Variants in SQSTM1 observed in about 807,000 individuals in gnomAD.
SQSTM1 encodes the protein sequestosome 1.
In SQSTM1, 36 loss-of-function variants were observed where a neutral mutation model predicts 45.1. The ratio of observed to expected loss-of-function variants is 0.80; its 90% CI spans 0.61 to 1.05. SQSTM1 has a LOEUF of 1.05. Among genes scored for constraint, SQSTM1 ranks in the 50% least tolerant of loss-of-function variants. SQSTM1 has a pLI of 0.00. For missense variants in SQSTM1, 617 were observed against 607.1 expected (o/e 1.02, Z -0.17); for synonymous variants, 290 against 244.3 (o/e 1.19, Z -1.74).
At chr5:179,829,167 A>C (rs1453592548) in intron 5 of SQSTM1, among the ~76,000 whole-genome samples, 1 of 152,254 alleles carries the variant, frequency 6.6e-6, no homozygotes, top group Non-Finnish European at 1.5e-5. Flanking sequence ...GGGAAGCTTC[A>C]GCATGGGATA....
Position 179,823,868 on chromosome 5 carries a change from G to C in SQSTM1, c.312G>C (p.Glu104Asp), listed in dbSNP as rs762547578. Reference protein sequence around the residue: ...IFRIYIKEKKECRRDHRPPCA... With the variant: ...IFRIYIKEKKDCRRDHRPPCA... Reference sequence around the variant, plus strand: ...TTACCCTTCCTGTAGAGAAAAAAGAGTGCCGGCGGGACCACCGCCCACCGT... The same window carrying C: ...TTACCCTTCCTGTAGAGAAAAAAGACTGCCGGCGGGACCACCGCCCACCGT... Residue 104 changes from glutamate to aspartate, a missense_variant, in exon 3 of 8, where the codon GAG becomes GAC. Coordinates refer to ENST00000389805, the MANE Select transcript of SQSTM1 (RefSeq NM_003900.5). The C allele has an allele frequency of 6.2e-7, 1 of 1,612,124 alleles. No individual in the cohort carries two copies. Among genetic ancestry groups the C allele is most frequent in the Admixed American group, 1.7e-5 (1 of 60,020 alleles).
chr5:179,825,195 G>C lies in SQSTM1; in HGVS notation c.723G>C (p.Gly241=), dbSNP rs889431769. Residue 241 remains glycine (G), a synonymous_variant, in exon 5 of 8, where the codon GGG becomes GGC. Coordinates refer to ENST00000389805, the MANE Select transcript of SQSTM1 (RefSeq NM_003900.5). Reference sequence around the variant, plus strand: ...GTGTGAATTTCCTGAAGAACGTTGGGGAGAGTGTGGCAGCTGCCCTTAGCC... The same window carrying C: ...GTGTGAATTTCCTGAAGAACGTTGGCGAGAGTGTGGCAGCTGCCCTTAGCC... ...DPSVNFLKNV[G]ESVAAALSPL... 1.9e-6 allele frequency: 3 copies of C among 1,613,972 alleles called. No individual in the cohort carries two copies. The highest frequency in any genetic ancestry group is 3.3e-5 in the Admixed American group (2 of 60,006).
Position 179,821,422 on chromosome 5 carries a change from A to G in SQSTM1, c.205+281A>G, listed in dbSNP as rs1340066079. On this transcript the variant is annotated intron_variant, in intron 1 of 7. Transcript: ENST00000389805. Reference sequence around the variant, plus strand: ...GGGGGCTCGAGCCTGGGGGCGTCAGACGCCCCGCTCCACCCCCCGCGCTGT... The same window carrying G: ...GGGGGCTCGAGCCTGGGGGCGTCAGGCGCCCCGCTCCACCCCCCGCGCTGT... 5 of 613,056 alleles carry G rather than the reference A, an allele frequency of 8.2e-6. No homozygotes were observed. The Admixed American group carries it at 1.1e-4, about 14-fold the overall frequency. The allele number at this position is 613,056 out of a possible 1,614,324, so 38.0% of individuals were successfully genotyped here.
intron 5 of SQSTM1, among the ~76,000 whole-genome samples, chr5:179,828,271 G>A (rs984273462): frequency 1.8e-4 from 28 of 151,748 alleles, no homozygotes; most frequent in African/African-American, 6.5e-4. Context: ...GCTTACAGGC[G>A]AGTCTCATTA....
chr5:179,810,711 A>T (rs1342147414), intron 1 of SQSTM1, among the ~76,000 whole-genome samples: 1 of 152,192 alleles, frequency 6.6e-6, no homozygotes, highest in African/African-American at 2.4e-5. Context: ...ACAATGGTTG[A>T]ACTAGTTTAC....
In SQSTM1 at chr5:179,836,889, G is replaced by A. The variant is rs1296708802; in HGVS notation, c.*296G>A. On this transcript the variant is annotated 3_prime_UTR_variant, in exon 8 of 8. Coordinates refer to ENST00000389805, the MANE Select transcript of SQSTM1 (RefSeq NM_003900.5). ...CCTCCCTGCAGGGGCTACGTTAGCAGCCCAGCACATAGCTTGCCTAATGGC... is the reference window on the plus strand; with the variant it reads ...CCTCCCTGCAGGGGCTACGTTAGCAACCCAGCACATAGCTTGCCTAATGGC... 6 of 610,608 alleles carry A rather than the reference G, an allele frequency of 9.8e-6. No individual in the cohort carries two copies. Among genetic ancestry groups the A allele is most frequent in the Non-Finnish European group, 1.2e-5 (4 of 345,784 alleles). The allele number at this position is 610,608 out of a possible 1,614,324, so 37.8% of individuals were successfully genotyped here.
chr5:179,823,443 GACAAAAAAAAAAAAAA>G, intron 2 of SQSTM1: 2 of 53,902 alleles, frequency 3.7e-5, no homozygotes, highest in South Asian at 7.7e-4. Context: ...CAGCCTAGGC[GACAAAAAAAAAAAAAA>G]AAAAAAAAAA....
At chr5:179,820,782 G>C, upstream of SQSTM1, 1 of 652,942 alleles carries the variant, frequency 1.5e-6, no homozygotes, top group Non-Finnish European at 2.4e-6. Flanking sequence ...GGCCTCTGCA[G>C]GGCGGCTCTC....
chr5:179,810,999 T>G (rs1757377217), intron 1 of SQSTM1, among the ~76,000 whole-genome samples: 3 of 151,884 alleles, frequency 2.0e-5, no homozygotes, highest in Admixed American at 2.0e-4. Flanking sequence ...GGGTCCCGCT[T>G]TGGGAGGCCG....
chr5:179,835,552 G>A (rs545719226), intron 7 of SQSTM1: 484 of 158,190 alleles, frequency 3.1e-3, no homozygotes, highest in Non-Finnish European at 3.8e-3. Context: ...CAGTCGTGGC[G>A]GCGCGCACCT....
upstream of SQSTM1, among the ~76,000 whole-genome samples, chr5:179,815,901 C>T (rs976439281): frequency 2.0e-5 from 3 of 151,928 alleles, no homozygotes; most frequent in Admixed American, 6.5e-5. Flanking sequence ...CCACACACCC[C>T]ACAAAACTAC....
rs376933990 is a variant in SQSTM1, at chr5:179,837,868, T to C, written c.*1275T>C. The C allele has an allele frequency of 6.8e-6, 11 of 1,606,824 alleles. No homozygotes were observed. Among genetic ancestry groups the C allele is most frequent in the South Asian group, 1.1e-5 (1 of 91,080 alleles). ...GGCTGCTGCCTTGTTTCACCTTCCA[T>C]GTCAGGCCAGCCTGTCCCTGAAAGA... On this transcript the variant is annotated 3_prime_UTR_variant, in exon 8 of 8. Coordinates refer to ENST00000389805, the MANE Select transcript of SQSTM1 (RefSeq NM_003900.5).
chr5:179,831,181 A>G (rs1758196194), intron 5 of SQSTM1, among the ~76,000 whole-genome samples: 2 of 152,214 alleles, frequency 1.3e-5, no homozygotes, highest in South Asian at 4.1e-4. Context: ...GTGAACGTAA[A>G]GGGGGTCACA....
intron 5 of SQSTM1, among the ~76,000 whole-genome samples, chr5:179,829,548 G>A (rs1181370402): frequency 1.3e-5 from 2 of 152,030 alleles, no homozygotes; most frequent in African/African-American, 4.8e-5. Context: ...AAAAGGAACA[G>A]GATACTAGAA....
intron 5 of SQSTM1, among the ~76,000 whole-genome samples, chr5:179,829,828 G>A (rs988529044): frequency 3.3e-5 from 5 of 152,108 alleles, no homozygotes; most frequent in Admixed American, 6.5e-5. Context: ...AGGCATGGTG[G>A]CTCATGCCTG....
At chr5:179,834,372 C>T (rs915614393) in intron 7 of SQSTM1, among the ~76,000 whole-genome samples, 8 of 152,118 alleles carry the variant, frequency 5.3e-5, no homozygotes, top group South Asian at 2.1e-4. Context: ...CAGGGGATGG[C>T]GAGCTATGGC....
chr5:179,822,529 C>T (rs1268172269), intron 1 of SQSTM1: 7 of 297,298 alleles, frequency 2.4e-5, no homozygotes, highest in Non-Finnish European at 4.0e-5. Flanking sequence ...CTCCTTTACT[C>T]CCAAGCCACT....
chr5:179,826,285 C>T lies in SQSTM1; in HGVS notation c.754+1059C>T, dbSNP rs191352133. On this transcript the variant is annotated intron_variant, in intron 5 of 7. Coordinates refer to ENST00000389805, the MANE Select transcript of SQSTM1 (RefSeq NM_003900.5). ...GTTCAAGTGATTCTCCTGCTTCAGC[C>T]TCCTGGGTAAGTGGGATTACAGGTA... is the stretch of plus-strand genomic sequence containing the variant. Among the ~76,000 whole-genome samples, 38 of 152,154 alleles carry T rather than the reference C, an allele frequency of 2.5e-4. No homozygotes were observed. The East Asian group carries it at 7.0e-3, about 28-fold the overall frequency.
At chr5:179,830,048 G>C (rs368343773) in intron 5 of SQSTM1, among the ~76,000 whole-genome samples, 1 of 152,316 alleles carries the variant, frequency 6.6e-6, no homozygotes, top group African/African-American at 2.4e-5. Context: ...GGCAGAGGGT[G>C]CAACGAGCCT....
Sources: gnomAD v4.1 joint callset for allele counts (sites outside exome capture counted in the v4.1 genomes callset) on GRCh38, gnomAD v4.1.1 for gene constraint, MANE v1.5 for transcripts, NCBI Gene and HGNC (gene_info 2026-07-23, HGNC 2026-07-21) for gene names.